ST6GAL1: variants seen among roughly 807,000 people sequenced by gnomAD.
ST6GAL1 encodes the protein ST6 beta-galactoside alpha-2,6-sialyltransferase 1.
Under a neutral mutation model 38.0 loss-of-function variants are expected in ST6GAL1, and 20 were observed. The ratio of observed to expected loss-of-function variants is 0.53; its 90% CI spans 0.37 to 0.77. The LOEUF (loss-of-function observed/expected upper bound fraction) is 0.77, where lower values mean the gene tolerates loss of function less well. Ranked by LOEUF, ST6GAL1 falls within the 30% of genes least tolerant of loss-of-function variation. ST6GAL1 has a pLI of 0.00. For synonymous variants in ST6GAL1, 196 were observed against 188.2 expected, an observed-to-expected ratio of 1.04 and a Z score of -0.34; for missense variants, 432 against 496.4, an observed-to-expected ratio of 0.87 and a Z score of 1.23.
chr3:186,967,077 C>T (rs938539689), intron 2 of ST6GAL1, among the ~76,000 whole-genome samples: 6 of 152,182 alleles, frequency 3.9e-5, no homozygotes, highest in Non-Finnish European at 5.9e-5. Context: ...CTTCTTTTTC[C>T]GTCCGTTCTG....
intron 1 of ST6GAL1, among the ~76,000 whole-genome samples, chr3:186,936,939 C>CA (rs60914982): frequency 0.1 from 9,144 of 87,272 alleles, 411 homozygotes; most frequent in Non-Finnish European, 0.13. Context: ...AAGACTGTCT[C>CA]AAAAAAAAAA....
At chr3:186,934,922 A>G (rs59887281) in intron 1 of ST6GAL1, among the ~76,000 whole-genome samples, 47,854 of 151,492 alleles carry the variant, frequency 0.32, 7,509 homozygotes, top group Middle Eastern at 0.35. Context: ...GCCCGCCACC[A>G]CGCCCGGCTA....
chr3:186,937,512 G>C lies in ST6GAL1; in HGVS notation c.-325+6678G>C, dbSNP rs1196565674. Reference sequence around the variant, plus strand: ...TTCAACGTCTGCATATGTTAAATGAGCAACTCCAAGGTCACTTATTAATTT... The same window carrying C: ...TTCAACGTCTGCATATGTTAAATGACCAACTCCAAGGTCACTTATTAATTT... On this transcript the variant is annotated intron_variant, in intron 1 of 7. Coordinates refer to ENST00000169298, the MANE Select transcript of ST6GAL1 (RefSeq NM_173216.2). Among the ~76,000 whole-genome samples, 4 of 152,290 alleles carry C rather than the reference G, an allele frequency of 2.6e-5. No individual in the cohort carries two copies. The East Asian group carries it at 7.7e-4, about 29-fold the overall frequency.
chr3:187,075,511 G>A lies in ST6GAL1; in HGVS notation c.980-51G>A. 5 of 1,601,096 alleles carry A rather than the reference G, an allele frequency of 3.1e-6. No individual in the cohort carries two copies. The highest frequency in any genetic ancestry group is 4.3e-6 in the Non-Finnish European group (5 of 1,171,414). ...GCTGAACCCACTGGGCAGAGCTCTG[G>A]GGTGCTGGGGTGGGTTGTCAGGCAT... On this transcript the variant is annotated intron_variant, in intron 7 of 7. Coordinates refer to ENST00000169298, the MANE Select transcript of ST6GAL1 (RefSeq NM_173216.2). The surrounding 1 kb of genome is among the most constrained non-coding windows in gnomAD (Gnocchi z 4.1).
At chr3:187,007,238 A>C (rs1458417226) in intron 2 of ST6GAL1, among the ~76,000 whole-genome samples, 1 of 152,230 alleles carries the variant, frequency 6.6e-6, no homozygotes, top group Non-Finnish European at 1.5e-5. Flanking sequence ...AAGCCACTGG[A>C]AGCCAGAGAG....
intron 5 of ST6GAL1, among the ~76,000 whole-genome samples, chr3:187,066,081 G>C (rs540840609): frequency 1.3e-5 from 2 of 152,322 alleles, no homozygotes; most frequent in African/African-American, 2.4e-5. Context: ...TTGGCAGGGC[G>C]GGTGGGAGGT....
At chr3:187,057,593 C>T (rs1217279962) in intron 5 of ST6GAL1, among the ~76,000 whole-genome samples, 1 of 152,102 alleles carries the variant, frequency 6.6e-6, no homozygotes, top group Middle Eastern at 3.2e-3. Context: ...CACTCCAGAC[C>T]CTGTTTGCCT....
intron 2 of ST6GAL1, among the ~76,000 whole-genome samples, chr3:186,996,842 G>C (rs529055535): frequency 1.3e-5 from 2 of 151,608 alleles, no homozygotes; most frequent in Non-Finnish European, 2.9e-5. Flanking sequence ...CTACATACGT[G>C]TCCCCCGCTT....
intron 5 of ST6GAL1, among the ~76,000 whole-genome samples, chr3:187,060,376 G>A (rs1298749876): frequency 6.6e-6 from 1 of 152,066 alleles, no homozygotes; most frequent in African/African-American, 2.4e-5. Flanking sequence ...GGCCAGGTTA[G>A]TCTCAAACTC....
chr3:186,940,288 G>GT lies in ST6GAL1; in HGVS notation c.-325+9464dup, dbSNP rs58481671. On this transcript the variant is annotated intron_variant, in intron 1 of 7. Transcript: ENST00000169298. ...CTTCACATAAATAATAAATGAAATGGTTTTTTTTTTAGAGTATTCAAATGG... is the reference window on the plus strand; with the variant it reads ...CTTCACATAAATAATAAATGAAATGGTTTTTTTTTTTAGAGTATTCAAATGG... Among the ~76,000 whole-genome samples, 51 of 150,688 alleles carry GT rather than the reference G, an allele frequency of 3.4e-4. No homozygotes were observed. The East Asian group carries it at 7.2e-3, about 21-fold the overall frequency.
chr3:186,990,352 T>G (rs950484118), intron 2 of ST6GAL1, among the ~76,000 whole-genome samples: 2 of 152,196 alleles, frequency 1.3e-5, no homozygotes, highest in African/African-American at 4.8e-5. Context: ...CTCATCTCTA[T>G]CTATTGAATG....
At chr3:187,061,532 T>C (rs927511651) in intron 5 of ST6GAL1, among the ~76,000 whole-genome samples, 6 of 151,972 alleles carry the variant, frequency 3.9e-5, no homozygotes, top group Admixed American at 1.3e-4. Context: ...ATATAAACCA[T>C]TGGAATAGAA....
At chr3:187,059,822 A>G (rs184376351) in intron 5 of ST6GAL1, among the ~76,000 whole-genome samples, 1 of 152,346 alleles carries the variant, frequency 6.6e-6, no homozygotes, top group African/African-American at 2.4e-5. Flanking sequence ...TGTTCTTATG[A>G]TGCAATCAAA....
intron 5 of ST6GAL1, among the ~76,000 whole-genome samples, chr3:187,052,576 C>T (rs1342208338): frequency 1.3e-5 from 2 of 152,160 alleles, no homozygotes. Flanking sequence ...TGATAGTTTG[C>T]TCAGCATGAT....
chr3:186,973,501 C>T (rs928310919), intron 2 of ST6GAL1, among the ~76,000 whole-genome samples: 2 of 152,182 alleles, frequency 1.3e-5, no homozygotes, highest in African/African-American at 4.8e-5. Context: ...ACCTTGACTG[C>T]ATTGTAGAGA....
At chr3:187,039,181 G>A (rs747452118) in intron 3 of ST6GAL1, among the ~76,000 whole-genome samples, 1 of 152,154 alleles carries the variant, frequency 6.6e-6, no homozygotes, top group African/African-American at 2.4e-5. Context: ...ATGTCATGAC[G>A]GGTGGGTCGG....
At chr3:186,939,635 C>G (rs374160145) in intron 1 of ST6GAL1, among the ~76,000 whole-genome samples, 1 of 152,192 alleles carries the variant, frequency 6.6e-6, no homozygotes, top group Admixed American at 6.5e-5. Flanking sequence ...AAATCAGACT[C>G]GAGCCCAGCC....
At chr3:187,038,934 T>C (rs897172227) in intron 3 of ST6GAL1, 61 bp downstream of exon 3, 1 of 152,234 alleles carries the variant, frequency 6.6e-6, no homozygotes, top group Non-Finnish European at 1.5e-5. Flanking sequence ...AAAGCTGGTG[T>C]GGCAGATGTC....
intron 2 of ST6GAL1, among the ~76,000 whole-genome samples, chr3:186,985,169 A>G (rs1047533368): frequency 6.6e-6 from 1 of 152,000 alleles, no homozygotes; most frequent in South Asian, 2.1e-4. Flanking sequence ...TCAGCCTCCC[A>G]AAGTGTTGGG....
Sources: allele counts gnomAD v4.1 joint callset (sites outside exome capture counted in the v4.1 genomes callset), GRCh38; gene constraint gnomAD v4.1.1; non-coding constraint Gnocchi (gnomAD v3.1); transcripts MANE v1.5; gene names NCBI Gene and HGNC (gene_info 2026-07-23, HGNC 2026-07-21).